Variants in FYB2 observed in about 807,000 individuals in gnomAD.
FYB2 encodes FYN binding protein 2, also known as FYN-binding protein 2.
A neutral mutation model predicts 94.1 loss-of-function variants in FYB2; 103 were observed. The ratio of observed to expected loss-of-function variants is 1.09; its 90% CI spans 0.93 to 1.29. FYB2 has a LOEUF of 1.29. Among genes scored for constraint, FYB2 ranks in the 50% most tolerant of loss-of-function variants. FYB2 has a pLI of 0.00. For missense variants in FYB2, 896 were observed against 841.5 expected (o/e 1.06, Z -0.80); for synonymous variants, 293 against 287.9 (o/e 1.02, Z -0.18).
At chr1:56,766,007 T>C (rs1296586398) in intron 5 of FYB2, among the ~76,000 whole-genome samples, 3 of 152,158 alleles carry the variant, frequency 2.0e-5, no homozygotes, top group African/African-American at 7.2e-5. Context: ...CAGGCTCTGA[T>C]TGGAGCATCC....
At chr1:56,731,200 T>A (rs1365409836) in intron 15 of FYB2, among the ~76,000 whole-genome samples, 1 of 151,992 alleles carries the variant, frequency 6.6e-6, no homozygotes, top group Non-Finnish European at 1.5e-5. Flanking sequence ...GGTGAGCACA[T>A]CCCCAGAAAG....
At position 56,726,567 on chromosome 1, in the gene FYB2, T is replaced by C. The variant is rs756545159; in HGVS notation, c.1810A>G (p.Lys604Glu). ...GTCAGAAACTTGGGCTTCCACATTT[T>C]CAGTTTATCTTCATCTCTGAGGAGA... ...EKESKDEDKLKMWKPKFLTPK... is the reference protein window; with the variant it reads ...EKESKDEDKLEMWKPKFLTPK... Residue 604 changes from lysine (K) to glutamate (E), a missense_variant, in exon 16 of 20, where the codon AAA (lysine) becomes GAA (glutamate). Coordinates refer to ENST00000343433, the MANE Select transcript of FYB2 (RefSeq NM_001004303.5). 3 of 1,611,440 alleles carry C rather than the reference T, an allele frequency of 1.9e-6. No homozygotes were observed. The highest frequency in any genetic ancestry group is 2.5e-6 in the Non-Finnish European group (3 of 1,178,474).
intron 16 of FYB2, among the ~76,000 whole-genome samples, chr1:56,726,040 T>A (rs1644577246): frequency 6.6e-6 from 1 of 152,096 alleles, no homozygotes; most frequent in African/African-American, 2.4e-5. Flanking sequence ...AAACATTTTC[T>A]TGTAAAATTC....
intron 1 of FYB2, among the ~76,000 whole-genome samples, chr1:56,800,973 T>C (rs1646506368): frequency 6.6e-6 from 1 of 152,080 alleles, no homozygotes; most frequent in Non-Finnish European, 1.5e-5. Flanking sequence ...GAGACTTACA[T>C]CCCCATTTAC....
intron 15 of FYB2, among the ~76,000 whole-genome samples, chr1:56,735,600 G>A (rs771852858): frequency 3.3e-5 from 5 of 152,176 alleles, no homozygotes; most frequent in African/African-American, 7.2e-5. Context: ...CCCATGTGTC[G>A]AGGGAGGGAG....
At chr1:56,812,547 T>C (rs1401399516) in intron 1 of FYB2, among the ~76,000 whole-genome samples, 2 of 152,246 alleles carry the variant, frequency 1.3e-5, no homozygotes, top group African/African-American at 4.8e-5. Flanking sequence ...ACTTTATTTG[T>C]AACTTCTCTG....
rs150584421 is a variant in FYB2, at chr1:56,736,981, T to C, written c.1793+106A>G. On this transcript the variant is annotated intron_variant, in intron 15 of 19. Transcript: ENST00000343433. ...AAGACTATCTTAAGTTGACTTTTCA[T>C]TCAATCTCCAAGGATCTGAAAAGAT... 97 of 872,408 alleles carry C rather than the reference T, an allele frequency of 1.1e-4. No homozygotes were observed. In the African/African-American group the frequency reaches 1.4e-3, roughly 12 times the overall value. The allele number at this position is 872,408 out of a possible 1,614,324, so 54.0% of individuals were successfully genotyped here. A position where few individuals can be genotyped will look rare whatever the true frequency, so the allele number is the denominator to read the frequency against.
chr1:56,753,996 C>A, intron 7 of FYB2, 61 bp from the exon 8 acceptor site: 2 of 978,160 alleles, frequency 2.0e-6, no homozygotes, highest in Non-Finnish European at 3.2e-6. Context: ...TGATAGTGTA[C>A]TGTCCAATCC....
intron 1 of FYB2, among the ~76,000 whole-genome samples, chr1:56,816,927 G>T (rs1237327500): frequency 6.7e-6 from 1 of 149,278 alleles, no homozygotes; most frequent in African/African-American, 2.5e-5. Context: ...TCTATTTCCA[G>T]CATCTGACCA....
intron 1 of FYB2, among the ~76,000 whole-genome samples, chr1:56,813,687 T>C (rs1646817611): frequency 6.6e-6 from 1 of 152,104 alleles, no homozygotes; most frequent in South Asian, 2.1e-4. Flanking sequence ...CCCATAAGAG[T>C]CCACCTGTTA....
intron 1 of FYB2, among the ~76,000 whole-genome samples, chr1:56,796,983 A>G (rs1387410119): frequency 6.6e-6 from 1 of 152,228 alleles, no homozygotes; most frequent in East Asian, 1.9e-4. Context: ...GGAGACAGAC[A>G]CAAATTGGTT....
At chr1:56,791,917 G>T in intron 2 of FYB2, 139 bp downstream of exon 2, 1 of 1,220,078 alleles carries the variant, frequency 8.2e-7, no homozygotes, top group Non-Finnish European at 1.1e-6. Flanking sequence ...TTAGCAGATG[G>T]GCCTAGAATA....
At chr1:56,719,985 G>A in intron 19 of FYB2, 37 bp downstream of exon 19, 1 of 1,541,486 alleles carries the variant, frequency 6.5e-7, no homozygotes, top group East Asian at 2.3e-5. Context: ...AATGTATTAG[G>A]AACTCATGAT....
intron 11 of FYB2, among the ~76,000 whole-genome samples, chr1:56,742,643 C>T (rs189187599): frequency 7.2e-5 from 11 of 152,156 alleles, no homozygotes; most frequent in African/African-American, 2.6e-4. Flanking sequence ...ATGGCTTTGG[C>T]CTAGCCCAAC....
chr1:56,800,499 T>G (rs139983250), intron 1 of FYB2, among the ~76,000 whole-genome samples: 35 of 152,124 alleles, frequency 2.3e-4, no homozygotes, highest in African/African-American at 8.4e-4. Flanking sequence ...ATTAATTAAA[T>G]AAAATAAAAT....
At chr1:56,826,076 C>G in the FYB2 span, among the ~76,000 whole-genome samples, 14,401 of 152,252 alleles carry the variant, frequency 0.095, 728 homozygotes, top group Non-Finnish European at 0.1. Context: ...TGGTCACTGG[C>G]ACAAAGTAGG....
At chr1:56,775,290 A>G (rs867741392) in intron 4 of FYB2, among the ~76,000 whole-genome samples, 14 of 152,152 alleles carry the variant, frequency 9.2e-5, no homozygotes, top group Non-Finnish European at 1.5e-4. Context: ...CTATTCATGT[A>G]TATGTAACCC....
intron 8 of FYB2, among the ~76,000 whole-genome samples, chr1:56,752,637 A>G (rs890838496): frequency 2.0e-5 from 3 of 152,104 alleles, no homozygotes; most frequent in South Asian, 2.1e-4. Flanking sequence ...GCAGAAATAT[A>G]GTGACCACCA....
Position 56,719,692 on chromosome 1 carries a change from C to A in FYB2, c.2166G>T (p.Lys722Asn), listed in dbSNP as rs778942627. 1.4e-5 allele frequency: 23 copies of A among 1,588,392 alleles called. No individual in the cohort carries two copies. Among genetic ancestry groups the A allele is most frequent in the Admixed American group, 6.8e-5 (4 of 58,664 alleles). Residue 722 changes from lysine to asparagine, a missense_variant and splice_region_variant, in exon 20 of 20, where the codon AAG becomes AAT. Lys to Asn is a moderately conservative substitution (Grantham distance 94, BLOSUM62 0). Transcript: ENST00000343433. Reference sequence around the variant, plus strand: ...TTTTCTAAGGTGACCAACTTTGATGCCTGTGAAAAAATAAAAATATGCAAA... The same window carrying A: ...TTTTCTAAGGTGACCAACTTTGATGACTGTGAAAAAATAAAAATATGCAAA... ...GYVLIEHLDF[K>N]HQSWSP
Sources: gnomAD v4.1 joint callset for allele counts (sites outside exome capture counted in the v4.1 genomes callset) on GRCh38, gnomAD v4.1.1 for gene constraint, MANE v1.5 for transcripts, NCBI Gene and HGNC (gene_info 2026-07-23, HGNC 2026-07-21) for gene names.